Variants in RBP3 observed in about 807,000 individuals in gnomAD.
RBP3 encodes the protein retinol-binding protein 3.
In RBP3, 50 loss-of-function variants were observed where a neutral mutation model predicts 64.8. The observed-to-expected ratio is 0.77, with a 90% CI of 0.61 to 0.98. The LOEUF is 0.98. Among genes scored for constraint, RBP3 ranks in the 50% least tolerant of loss-of-function variants. The pLI is 0.00. For synonymous variants in RBP3, 828 were observed against 730.2 expected (o/e 1.13, Z -2.16); for missense variants, 1,712 against 1,660.5 (o/e 1.03, Z -0.54).
At position 47,357,536 on chromosome 10, in the gene RBP3, G is replaced by A. The variant is rs562923410; in HGVS notation, c.*79G>A. On this transcript the variant is annotated 3_prime_UTR_variant, in exon 4 of 4. Transcript: ENST00000584701. ...CCAAGGGCACTCCTGCAGGTGGCCC[G>A]GCCTGAGGTTCCCAGGAGCAGCAAA... The A allele has an allele frequency of 1.0e-4, 138 of 1,344,030 alleles. No homozygotes were observed. The African/African-American group carries it at 1.2e-3, about 12-fold the overall frequency. The allele number at this position is 1,344,030 out of a possible 1,614,324, so 83.3% of individuals were successfully genotyped here. A position where few individuals can be genotyped will look rare whatever the true frequency, so the allele number is the denominator to read the frequency against.
In RBP3 at chr10:47,348,910, G is replaced by A. The variant is rs375546698; in HGVS notation, c.426G>A (p.Glu142=). 4 of 1,613,846 alleles carry A rather than the reference G, an allele frequency of 2.5e-6. No homozygotes were observed. The highest frequency in any genetic ancestry group is 1.7e-5 in the Admixed American group (1 of 60,032). The change falls in exon 1 of 4, where the codon GAG becomes GAA. Residue 142 remains glutamate, a synonymous_variant. Transcript: ENST00000584701. ...GGGTGGACAGCGTCCCGGGCCAGGA[G>A]GTGCTGAGCATGATGGGGGAGTTCC... is the stretch of plus-strand genomic sequence containing the variant. The part of the protein sequence containing the change: ...YLRVDSVPGQ[E]VLSMMGEFLV...
chr10:47,351,597 C>T (rs556136683), intron 1 of RBP3, 59 bp downstream of exon 1: 618 of 1,594,920 alleles, frequency 3.9e-4, no homozygotes, highest in Admixed American at 5.0e-4. Flanking sequence ...ACCCATTGTC[C>T]GCACATGCAG....
rs782157576 is a variant in RBP3 at position 47,348,947 on chromosome 10, G to C, written c.463G>C (p.Val155Leu). Reference sequence around the variant, plus strand: ...GATGGGGGAGTTCCTGGTGGCCCACGTGTGGGGGAATCTCATGGGCACCTC... The same window carrying C: ...GATGGGGGAGTTCCTGGTGGCCCACCTGTGGGGGAATCTCATGGGCACCTC... ...SMMGEFLVAHVWGNLMGTSAL... is the reference protein window; with the variant it reads ...SMMGEFLVAHLWGNLMGTSAL... Residue 155 changes from valine to leucine, a missense_variant, in exon 1 of 4, where the codon GTG becomes CTG. Transcript: ENST00000584701. 2.5e-6 allele frequency: 4 copies of C among 1,613,898 alleles called. No homozygotes were observed. Among genetic ancestry groups the C allele is most frequent in the Non-Finnish European group, 2.5e-6 (3 of 1,180,026 alleles).
In RBP3 at chr10:47,349,795, C is replaced by A; in HGVS notation, c.1311C>A (p.Gly437=). ...TGTTCCAGGTGTCGGTGCTGCCAGGCAATGTGGGCTACCTGCGCTTCGATA... is the reference window on the plus strand; with the variant it reads ...TGTTCCAGGTGTCGGTGCTGCCAGGAAATGTGGGCTACCTGCGCTTCGATA... ...DSVFQVSVLP[G]NVGYLRFDSF... is the part of the protein sequence containing the mutation. Residue 437 remains glycine (G), a synonymous_variant, in exon 1 of 4, where the codon GGC becomes GGA. Transcript: ENST00000584701. 2 of 1,613,266 alleles carry A rather than the reference C, an allele frequency of 1.2e-6. No individual in the cohort carries two copies. The highest frequency in any genetic ancestry group is 8.5e-7 in the Non-Finnish European group (1 of 1,180,026).
chr10:47,357,235 C>T lies in RBP3; in HGVS notation c.3522C>T (p.Gly1174=). The change falls in exon 4 of 4, where the codon GGC becomes GGT. Residue 1174 remains glycine, a synonymous_variant. Transcript: ENST00000584701. ...TCATTGGGGAGGTGACCAGTGGGGGCTGCCAGCCACCACAGACCTACCACG... is the reference window on the plus strand; with the variant it reads ...TCATTGGGGAGGTGACCAGTGGGGGTTGCCAGCCACCACAGACCTACCACG... ...ALVIGEVTSG[G]CQPPQTYHVD... is the part of the protein sequence containing the mutation. 1 of 1,614,054 alleles carries T rather than the reference C, an allele frequency of 6.2e-7. No homozygotes were observed. The highest frequency in any genetic ancestry group is 8.5e-7 in the Non-Finnish European group (1 of 1,180,022).
At chr10:47,356,344 C>T (rs1837046712) in intron 3 of RBP3, among the ~76,000 whole-genome samples, 1 of 152,078 alleles carries the variant, frequency 6.6e-6, no homozygotes, top group Non-Finnish European at 1.5e-5. Flanking sequence ...TAAAGATAGA[C>T]TCAATTCTGC....
chr10:47,351,507 A>G lies in RBP3; in HGVS notation c.3023A>G (p.Lys1008Arg). 6.2e-7 allele frequency: 1 copy of G among 1,613,812 alleles called. No homozygotes were observed. Among genetic ancestry groups the G allele is most frequent in the Non-Finnish European group, 8.5e-7 (1 of 1,180,034 alleles). ...LKAAHIPENA[K>R]DRIPGIVPMQ... ...GCAGCCCATATCCCTGAGAATGCCA[A>G]GGACCGCATTCCTGGAATTGTGCCC... The change falls in exon 1 of 4, where the codon AAG becomes AGG. Residue 1008 changes from lysine to arginine, a missense_variant. Physicochemically the swap from Lys to Arg is conservative, Grantham distance 26 (BLOSUM62 2). Transcript: ENST00000584701.
rs1236659772 is a variant in RBP3, at chr10:47,357,527, A to G, written c.*70A>G. 6.9e-7 allele frequency: 1 copy of G among 1,447,186 alleles called. No homozygotes were observed. Among genetic ancestry groups the G allele is most frequent in the Non-Finnish European group, 9.4e-7 (1 of 1,059,460 alleles). The allele number at this position is 1,447,186 out of a possible 1,614,324, so 89.6% of individuals were successfully genotyped here. ...GGACACACACCAAGGGCACTCCTGCAGGTGGCCCGGCCTGAGGTTCCCAGG... is the reference window on the plus strand; with the variant it reads ...GGACACACACCAAGGGCACTCCTGCGGGTGGCCCGGCCTGAGGTTCCCAGG... On this transcript the variant is annotated 3_prime_UTR_variant, in exon 4 of 4. Coordinates refer to ENST00000584701, the MANE Select transcript of RBP3 (RefSeq NM_002900.3).
At position 47,348,680 on chromosome 10, in the gene RBP3, G is replaced by T; in HGVS notation, c.196G>T (p.Asp66Tyr). The T allele has an allele frequency of 6.2e-7, 1 of 1,613,644 alleles. No homozygotes were observed. Among genetic ancestry groups the T allele is most frequent in the Non-Finnish European group, 8.5e-7 (1 of 1,180,034 alleles). Residue 66 changes from aspartate to tyrosine, a missense_variant, in exon 1 of 4, where the codon GAC (aspartate) becomes TAC (tyrosine). Transcript: ENST00000584701. ...IKSHEILSIS[D>Y]PQTLASVLTA... ...GAGCCATGAGATTCTGAGCATCTCA[G>T]ACCCGCAGACGCTGGCCAGTGTGCT... is the stretch of plus-strand genomic sequence containing the variant.
rs781926081 is a variant in RBP3 at position 47,351,307 on chromosome 10, G to A, written c.2823G>A (p.Leu941=). The A allele has an allele frequency of 3.2e-5, 51 of 1,613,504 alleles. No individual in the cohort carries two copies. The highest frequency in any genetic ancestry group is 4.3e-5 in the Non-Finnish European group (51 of 1,180,046). The change falls in exon 1 of 4, where the codon CTG becomes CTA. Residue 941 remains leucine, a synonymous_variant. Transcript: ENST00000584701. ...TGCGTGCCAAGGTGCCCACGGTGCT[G>A]CAGACGGCCGGGAAGCTGGTGGCTG... is the stretch of plus-strand genomic sequence containing the variant. The part of the protein sequence containing the change: ...VALRAKVPTV[L]QTAGKLVADN...
Position 47,350,831 on chromosome 10 carries a change from C to A in RBP3, c.2347C>A (p.Arg783Ser). ...CACGGCTGCGCTGGTGATCGACCTG[C>A]GCTACAACCCTGGCAGCTACTCCAC... ...VDTAALVIDL[R>S]YNPGSYSTAI... Residue 783 changes from arginine to serine, a missense_variant, in exon 1 of 4, where the codon CGC (arginine) becomes AGC (serine). Transcript: ENST00000584701. 1.2e-6 allele frequency: 2 copies of A among 1,613,042 alleles called. No individual in the cohort carries two copies. Among genetic ancestry groups the A allele is most frequent in the Non-Finnish European group, 1.7e-6 (2 of 1,180,022 alleles).
Position 47,348,423 on chromosome 10 carries a change from C to T in RBP3, c.-62C>T. 4 of 1,564,786 alleles carry T rather than the reference C, an allele frequency of 2.6e-6. No homozygotes were observed. The highest frequency in any genetic ancestry group is 1.3e-5 in the African/African-American group (1 of 74,200). On this transcript the variant is annotated 5_prime_UTR_variant, in exon 1 of 4. Coordinates refer to ENST00000584701, the MANE Select transcript of RBP3 (RefSeq NM_002900.3). ...GGAAGGCAGCTGCACAGAGCAGGGC[C>T]ACGGCCTTGCACACAGTCCAGGGAG...
In RBP3 at chr10:47,355,286, C is replaced by T. The variant is rs1213817850; in HGVS notation, c.3246-90C>T. 3.4e-5 allele frequency: 53 copies of T among 1,552,940 alleles called. No individual in the cohort carries two copies. The East Asian group carries it at 1.1e-3, about 32-fold the overall frequency. ...GAGGCTGCCAAGAATTAGAACCCTC[C>T]ATGGGACAAAGATCCTGGCCTCCCC... On this transcript the variant is annotated intron_variant, in intron 2 of 3. Transcript: ENST00000584701.
In RBP3 at chr10:47,349,500, A is replaced by G. The variant is rs973069121; in HGVS notation, c.1016A>G (p.Asp339Gly). 4 of 1,612,948 alleles carry G rather than the reference A, an allele frequency of 2.5e-6. No individual in the cohort carries two copies. The highest frequency in any genetic ancestry group is 3.4e-6 in the Non-Finnish European group (4 of 1,180,002). Residue 339 changes from aspartate to glycine, a missense_variant, in exon 1 of 4, where the codon GAC (aspartate) becomes GGC (glycine). Coordinates refer to ENST00000584701, the MANE Select transcript of RBP3 (RefSeq NM_002900.3). ...CACTGCCTCCAGGAGGTCCTGAAGG[A>G]CTACTACACGCTGGTGGACCGTGTG... ...VVHCLQEVLKDYYTLVDRVPT... is the reference protein window; with the variant it reads ...VVHCLQEVLKGYYTLVDRVPT...
At position 47,350,953 on chromosome 10, in the gene RBP3, G is replaced by A. The variant is rs1836960969; in HGVS notation, c.2469G>A (p.Val823=). The change falls in exon 1 of 4, where the codon GTG becomes GTA. Residue 823 remains valine, a synonymous_variant. Coordinates refer to ENST00000584701, the MANE Select transcript of RBP3 (RefSeq NM_002900.3). The part of the protein sequence containing the change: ...FDRATSKVTE[V]WTLPQVAGQR... Reference sequence around the variant, plus strand: ...GGGCCACCTCAAAAGTCACGGAGGTGTGGACCTTGCCCCAGGTCGCCGGCC... The same window carrying A: ...GGGCCACCTCAAAAGTCACGGAGGTATGGACCTTGCCCCAGGTCGCCGGCC... 2 of 1,612,766 alleles carry A rather than the reference G, an allele frequency of 1.2e-6. No homozygotes were observed. The highest frequency in any genetic ancestry group is 2.7e-5 in the African/African-American group (2 of 74,958).
chr10:47,349,681 C>G lies in RBP3; in HGVS notation c.1197C>G (p.Pro399=), dbSNP rs782711918. 2 of 1,611,504 alleles carry G rather than the reference C, an allele frequency of 1.2e-6. No individual in the cohort carries two copies. The highest frequency in any genetic ancestry group is 8.5e-7 in the Non-Finnish European group (1 of 1,180,016). The change falls in exon 1 of 4, where the codon CCC becomes CCG. Residue 399 remains proline, a synonymous_variant. Coordinates refer to ENST00000584701, the MANE Select transcript of RBP3 (RefSeq NM_002900.3). ...GGCCCACAGAAACTCCTTCTTGGCCCGCGCCCGACGCTGCAGCCGAAGACT... is the reference window on the plus strand; with the variant it reads ...GGCCCACAGAAACTCCTTCTTGGCCGGCGCCCGACGCTGCAGCCGAAGACT... ...AIGPTETPSW[P]APDAAAEDSP... is the part of the protein sequence containing the mutation.
chr10:47,351,339 A>G lies in RBP3; in HGVS notation c.2855A>G (p.Tyr952Cys). 6 of 1,613,506 alleles carry G rather than the reference A, an allele frequency of 3.7e-6. No individual in the cohort carries two copies. The highest frequency in any genetic ancestry group is 2.2e-5 in the East Asian group (1 of 44,874). The change falls in exon 1 of 4, where the codon TAT becomes TGT. Residue 952 changes from tyrosine to cysteine, a missense_variant. Transcript: ENST00000584701. ...GCCGGGAAGCTGGTGGCTGATAACT[A>G]TGCCTCTGCCGAGCTGGGGGCCAAG... ...QTAGKLVADN[Y>C]ASAELGAKMA...
Position 47,350,217 on chromosome 10 carries a change from C to G in RBP3, c.1733C>G (p.Thr578Arg). The G allele has an allele frequency of 6.2e-7, 1 of 1,609,062 alleles. No individual in the cohort carries two copies. Among genetic ancestry groups the G allele is most frequent in the Admixed American group, 1.7e-5 (1 of 60,024 alleles). The change falls in exon 1 of 4, where the codon ACG (threonine) becomes AGG (arginine). Residue 578 changes from threonine (T) to arginine (R), a missense_variant. Transcript: ENST00000584701. ...GCGGGCAACCTGCTGCACACCCGCA[C>G]GGTGCCGCTGCTGGACACACCCGAA... ...ITAGNLLHTR[T>R]VPLLDTPEGS...
chr10:47,353,465 G>C lies in RBP3; in HGVS notation c.3195G>C (p.Glu1065Asp). 6.2e-7 allele frequency: 1 copy of C among 1,614,176 alleles called. No individual in the cohort carries two copies. Residue 1065 changes from glutamate to aspartate, a missense_variant, in exon 2 of 4, where the codon GAG becomes GAC. By Grantham distance (45) the Glu-to-Asp change is conservative. Transcript: ENST00000584701. Reference sequence around the variant, plus strand: ...CCCAGGTCTCCAGGCTGCTGGTGGAGCACATCTGGAAGAAGATCATGCACA... The same window carrying C: ...CCCAGGTCTCCAGGCTGCTGGTGGACCACATCTGGAAGAAGATCATGCACA... ...LLTQVSRLLV[E>D]HIWKKIMHTD...
Sources: allele counts gnomAD v4.1 joint callset (sites outside exome capture counted in the v4.1 genomes callset), GRCh38; gene constraint gnomAD v4.1.1; transcripts MANE v1.5; gene names NCBI Gene and HGNC (gene_info 2026-07-23, HGNC 2026-07-21).